Variants in LNPEP observed in about 807,000 individuals in gnomAD.
LNPEP encodes leucyl and cystinyl aminopeptidase.
In LNPEP, 64 loss-of-function variants were observed where a neutral mutation model predicts 120.6. The observed-to-expected ratio is 0.53, with a 90% CI of 0.43 to 0.65. LNPEP has a LOEUF of 0.65. LNPEP is among the 30% of genes least tolerant of loss of function. LNPEP has a pLI of 0.00. For synonymous variants in LNPEP, 435 were observed against 425.4 expected (o/e 1.02, Z -0.28); for missense variants, 1,057 against 1,200.0 (o/e 0.88, Z 1.76).
chr5:96,948,899 A>G lies in LNPEP; in HGVS notation c.19+12725A>G, dbSNP rs540346189. On this transcript the variant is annotated intron_variant, in intron 1 of 17. Transcript: ENST00000231368. ...AGTGAAGTGAAAAGTTCAGACAGCC[A>G]TATTCAAATCCTGGCTCTTTATTCA... is the stretch of plus-strand genomic sequence containing the variant. 1.8e-4 allele frequency among the ~76,000 whole-genome samples: 28 copies of G among 152,342 alleles called. 1 individual carries two copies. The highest frequency in any genetic ancestry group is 1.1e-3 in the Admixed American group (17 of 15,304).
chr5:96,996,453 A>G lies in LNPEP; in HGVS notation c.1471A>G (p.Thr491Ala), dbSNP rs764985717. The change falls in exon 7 of 18, where the codon ACT becomes GCT. Residue 491 changes from threonine to alanine, a missense_variant. By Grantham distance (58) the Thr-to-Ala change is moderately conservative. Transcript: ENST00000231368. Reference protein sequence around the residue: ...NDLWLNEGFATFMEYFSLEKI... With the variant: ...NDLWLNEGFAAFMEYFSLEKI... ...CCTATGGCTAAATGAAGGTTTTGCC[A>G]CTTTCATGGAGTATTTCTCTTTGGA... 6.2e-7 allele frequency: 1 copy of G among 1,611,400 alleles called. No individual in the cohort carries two copies. Among genetic ancestry groups the G allele is most frequent in the South Asian group, 1.1e-5 (1 of 90,954 alleles).
chr5:97,023,171 T>A (rs1338831032), intron 14 of LNPEP, among the ~76,000 whole-genome samples: 1 of 152,132 alleles, frequency 6.6e-6, no homozygotes, highest in Non-Finnish European at 1.5e-5. Context: ...AGAATTTGCT[T>A]TTTTGTGACT....
chr5:96,980,093 T>G, intron 2 of LNPEP, 115 bp downstream of exon 2: 1 of 967,890 alleles, frequency 1.0e-6, no homozygotes. Flanking sequence ...TTTAGGAAGT[T>G]ATATACAAAA....
intron 9 of LNPEP, among the ~76,000 whole-genome samples, chr5:97,004,634 G>T (rs1310593124): frequency 6.6e-6 from 1 of 152,030 alleles, no homozygotes; most frequent in Non-Finnish European, 1.5e-5. Context: ...AAGTTTTATT[G>T]ACTCTAGGTT....
Position 97,026,743 on chromosome 5 carries a change from T to G in LNPEP, c.2850T>G (p.Asn950Lys). 1 of 1,613,486 alleles carries G rather than the reference T, an allele frequency of 6.2e-7. No individual in the cohort carries two copies. The highest frequency in any genetic ancestry group is 8.5e-7 in the Non-Finnish European group (1 of 1,179,460). The change falls in exon 16 of 18, where the codon AAT becomes AAG. Residue 950 changes from asparagine (N) to lysine (K), a missense_variant. Asn to Lys is a moderately conservative substitution (Grantham distance 94). Coordinates refer to ENST00000231368, the MANE Select transcript of LNPEP (RefSeq NM_005575.3). ...GGGATTTTGTCAAAGAGAACTGGAATAAGCTTGTACAGAAGTAAGTTTCTC... is the reference window on the plus strand; with the variant it reads ...GGGATTTTGTCAAAGAGAACTGGAAGAAGCTTGTACAGAAGTAAGTTTCTC... Reference protein sequence around the residue: ...LAWDFVKENWNKLVQKFPLGS... With the variant: ...LAWDFVKENWKKLVQKFPLGS...
In LNPEP at chr5:97,033,573, T is replaced by C. The variant is rs1326175466; in HGVS notation, c.*5040T>C. 1 of 152,130 alleles carries C rather than the reference T, an allele frequency of 6.6e-6. No individual in the cohort carries two copies. 9.4% of individuals were successfully genotyped at this position (152,130 alleles called of 1,614,324 possible). Reference sequence around the variant, plus strand: ...TATACTTTAAACATGTATATAAATGTTTTTGCTACTTTTCTGTCACTACCT... The same window carrying C: ...TATACTTTAAACATGTATATAAATGCTTTTGCTACTTTTCTGTCACTACCT... On this transcript the variant is annotated 3_prime_UTR_variant, in exon 18 of 18. Transcript: ENST00000231368.
At chr5:97,008,412 A>G (rs1380063530) in intron 11 of LNPEP, among the ~76,000 whole-genome samples, 1 of 124,216 alleles carries the variant, frequency 8.1e-6, no homozygotes, top group Non-Finnish European at 1.6e-5. Flanking sequence ...GTGCAGTGAC[A>G]ATATCATAGC....
intron 6 of LNPEP, chr5:96,996,141 C>T: frequency 3.3e-6 from 1 of 298,728 alleles, no homozygotes; most frequent in Middle Eastern, 9.7e-4. Context: ...TGCTAATAAC[C>T]TTTCTTGCTT....
intron 1 of LNPEP, among the ~76,000 whole-genome samples, chr5:96,955,679 T>A (rs935327354): frequency 6.6e-6 from 1 of 152,240 alleles, no homozygotes. Flanking sequence ...ACCATAATTG[T>A]TTATTCACTA....
chr5:96,974,972 C>T (rs1789954183), intron 1 of LNPEP, among the ~76,000 whole-genome samples: 1 of 152,112 alleles, frequency 6.6e-6, no homozygotes, highest in Non-Finnish European at 1.5e-5. Flanking sequence ...CATTTATCTG[C>T]ATGGTTTTAA....
intron 9 of LNPEP, 93 bp from the exon 10 acceptor site, chr5:97,005,980 G>A (rs1790771191): frequency 3.4e-6 from 1 of 292,436 alleles, no homozygotes; most frequent in African/African-American, 2.3e-5. Context: ...AGGAAAAGAG[G>A]GAAGGGTACA....
chr5:97,022,240 G>T, intron 13 of LNPEP, 60 bp from the exon 14 acceptor site: 1 of 1,114,072 alleles, frequency 9.0e-7, no homozygotes. Flanking sequence ...TAATTGTCCT[G>T]TTTTTTTTCT....
chr5:96,951,376 A>G (rs1789319508), intron 1 of LNPEP, among the ~76,000 whole-genome samples: 1 of 152,084 alleles, frequency 6.6e-6, no homozygotes, highest in South Asian at 2.1e-4. Context: ...CTCCTGCCTC[A>G]GCCTCCCAAG....
At chr5:97,020,176 T>C (rs1217736462) in intron 13 of LNPEP, among the ~76,000 whole-genome samples, 3 of 152,226 alleles carry the variant, frequency 2.0e-5, no homozygotes, top group African/African-American at 4.8e-5. Context: ...AGTAAGTCAT[T>C]GCTAGGATAA....
At chr5:96,952,223 T>A (rs900295642) in intron 1 of LNPEP, among the ~76,000 whole-genome samples, 4 of 152,214 alleles carry the variant, frequency 2.6e-5, no homozygotes, top group African/African-American at 9.6e-5. Flanking sequence ...CTTTTTGATG[T>A]TTGGCTTAAT....
At chr5:97,009,799 C>G (rs1051136503) in intron 11 of LNPEP, among the ~76,000 whole-genome samples, 1 of 152,122 alleles carries the variant, frequency 6.6e-6, no homozygotes, top group Non-Finnish European at 1.5e-5. Flanking sequence ...TCCTAATGCT[C>G]CAGTGAGAAT....
intron 8 of LNPEP, among the ~76,000 whole-genome samples, chr5:97,000,325 A>C (rs950803720): frequency 1.3e-4 from 20 of 152,288 alleles, no homozygotes; most frequent in Non-Finnish European, 2.5e-4. Context: ...ACCAATGTAT[A>C]GTGCTTGTGT....
chr5:96,947,143 C>T (rs753219007), intron 1 of LNPEP, among the ~76,000 whole-genome samples: 119 of 152,198 alleles, frequency 7.8e-4, no homozygotes, highest in Admixed American at 1.2e-3. Context: ...GATTAATAAG[C>T]ATAAATATTT....
intron 1 of LNPEP, chr5:96,943,118 A>G: frequency 2.6e-6 from 1 of 391,268 alleles, no homozygotes; most frequent in Non-Finnish European, 4.3e-6. Flanking sequence ...TCTTTCTGAG[A>G]TTGTTAAGCA....
Sources: gnomAD v4.1 joint callset for allele counts (sites outside exome capture counted in the v4.1 genomes callset) on GRCh38, gnomAD v4.1.1 for gene constraint, MANE v1.5 for transcripts, NCBI Gene and HGNC (gene_info 2026-07-23, HGNC 2026-07-21) for gene names.